Variants in KIRREL3 observed in about 807,000 individuals in gnomAD.
KIRREL3 encodes the protein kirre like nephrin family adhesion molecule 3, also known as kin of IRRE-like protein 3.
Under a neutral mutation model 89.7 loss-of-function variants are expected in KIRREL3, and 36 were observed. The observed-to-expected ratio is 0.40, with a 90% CI of 0.31 to 0.53. The LOEUF is 0.53. Among genes scored for constraint, KIRREL3 ranks in the 20% least tolerant of loss-of-function variants. KIRREL3 has a pLI of 0.49. For synonymous variants in KIRREL3, 445 were observed against 441.4 expected (o/e 1.01, Z -0.10); for missense variants, 864 against 1,056.6 (o/e 0.82, Z 2.53).
chr11:126,848,367 G>C (rs985981909), intron 1 of KIRREL3, among the ~76,000 whole-genome samples: 6 of 152,318 alleles, frequency 3.9e-5, no homozygotes, highest in African/African-American at 1.4e-4. Flanking sequence ...ATTGGAGAGA[G>C]AAAAATTATG....
intron 1 of KIRREL3, among the ~76,000 whole-genome samples, chr11:126,592,433 C>G (rs1942182098): frequency 6.6e-6 from 1 of 152,160 alleles, no homozygotes; most frequent in Non-Finnish European, 1.5e-5. Context: ...AGTTACATAG[C>G]TAAGAAAGTG....
In KIRREL3 at chr11:126,441,106, C is replaced by T. The variant is rs758214455; in HGVS notation, c.1253-557G>A. ...CCTCTCCTTAGGGCGGGAATCACCC[C>T]GGACAGGGGGAATGCATGCGCTGGC... On this transcript the variant is annotated intron_variant, in intron 10 of 16. Coordinates refer to ENST00000525144, the MANE Select transcript of KIRREL3 (RefSeq NM_032531.4). The surrounding 1 kb of genome is among the most constrained non-coding windows in gnomAD (Gnocchi z 5.0). 2.0e-5 allele frequency among the ~76,000 whole-genome samples: 3 copies of T among 152,238 alleles called. No individual in the cohort carries two copies. The highest frequency in any genetic ancestry group is 4.4e-5 in the Non-Finnish European group (3 of 68,044).
chr11:126,999,943 A>G lies in KIRREL3; in HGVS notation c.55+512T>C, dbSNP rs764791988. On this transcript the variant is annotated intron_variant, in intron 1 of 16. Coordinates refer to ENST00000525144, the MANE Select transcript of KIRREL3 (RefSeq NM_032531.4). This position sits in a 1 kb window ranked among gnomAD's most constrained non-coding sequence, Gnocchi z 5.7. ...CAACCACTGCAAATTACCCCCCACA[A>G]TACATTCTGTAATTGCAACCCCCTT... Among the ~76,000 whole-genome samples the G allele has an allele frequency of 1.3e-5, 2 of 152,054 alleles. No individual in the cohort carries two copies. Among genetic ancestry groups the G allele is most frequent in the African/African-American group, 2.4e-5 (1 of 41,386 alleles).
intron 1 of KIRREL3, among the ~76,000 whole-genome samples, chr11:126,810,072 T>A (rs1393431451): frequency 6.6e-6 from 1 of 152,028 alleles, no homozygotes; most frequent in African/African-American, 2.4e-5. Context: ...GCGTGTTGAG[T>A]CACTGACCAC....
At chr11:126,852,298 C>A (rs1944370189) in intron 1 of KIRREL3, among the ~76,000 whole-genome samples, 1 of 152,142 alleles carries the variant, frequency 6.6e-6, no homozygotes, top group Non-Finnish European at 1.5e-5. Context: ...ATGATCCACC[C>A]ACCTCAGCCT....
In KIRREL3 at chr11:126,732,553, C is replaced by T. The variant is rs377285620; in HGVS notation, c.56-169641G>A. The stretch of plus-strand genomic sequence containing the variant: ...CATAACAACAGCCAATCCAATATAC[C>T]TGCTTGTCTCGGGAAAGTGTAGTCA... On this transcript the variant is annotated intron_variant, in intron 1 of 16. Transcript: ENST00000525144. 1.2e-3 allele frequency among the ~76,000 whole-genome samples: 178 copies of T among 152,314 alleles called. 1 individual carries two copies. The highest frequency in any genetic ancestry group is 4.1e-3 in the African/African-American group (171 of 41,572).
intron 1 of KIRREL3, among the ~76,000 whole-genome samples, chr11:126,695,101 C>T (rs1203722842): frequency 6.6e-6 from 1 of 152,166 alleles, no homozygotes; most frequent in African/African-American, 2.4e-5. Flanking sequence ...CCTGCTACAG[C>T]GGCAGAGCAG....
chr11:126,979,114 C>T lies in KIRREL3; in HGVS notation c.55+21341G>A, dbSNP rs928000854. ...TCCGAATTCACCCGGAACAAAAGACCCGTCTATAACCATTATTTATCACTC... is the reference window on the plus strand; with the variant it reads ...TCCGAATTCACCCGGAACAAAAGACTCGTCTATAACCATTATTTATCACTC... On this transcript the variant is annotated intron_variant, in intron 1 of 16. Transcript: ENST00000525144. Among the ~76,000 whole-genome samples the T allele has an allele frequency of 5.3e-5, 8 of 152,164 alleles. 1 individual carries two copies. The highest frequency in any genetic ancestry group is 4.2e-4 in the South Asian group (2 of 4,812).
chr11:126,440,542 G>A lies in KIRREL3; in HGVS notation c.1260C>T (p.Pro420=). Residue 420 remains proline, a synonymous_variant, in exon 11 of 17, where the codon CCC becomes CCT. Coordinates refer to ENST00000525144, the MANE Select transcript of KIRREL3 (RefSeq NM_032531.4). ...GCTGGGTCTGGGTGCTGGAGATGAT[G>A]GGGGGTCCTGTTGAGAAACAGCGTC... ...REVTLTVNGP[P]IISSTQTQHA... is the part of the protein sequence containing the mutation. 3 of 1,596,648 alleles carry A rather than the reference G, an allele frequency of 1.9e-6. No individual in the cohort carries two copies. The highest frequency in any genetic ancestry group is 2.6e-6 in the Non-Finnish European group (3 of 1,171,960).
chr11:126,919,418 C>A (rs76928868), intron 1 of KIRREL3, among the ~76,000 whole-genome samples: 1 of 152,180 alleles, frequency 6.6e-6, no homozygotes, highest in Non-Finnish European at 1.5e-5. Flanking sequence ...GGCAAGTTTA[C>A]GGATCTGGAG....
At position 126,893,614 on chromosome 11, in the gene KIRREL3, G is replaced by A. The variant is rs1342608812; in HGVS notation, c.55+106841C>T. On this transcript the variant is annotated intron_variant, in intron 1 of 16. Transcript: ENST00000525144. Reference sequence around the variant, plus strand: ...AGCGCTGTGGAAGGCCCGGCTACCCGGGTTACCGTGAGCTGATCATTTGTT... The same window carrying A: ...AGCGCTGTGGAAGGCCCGGCTACCCAGGTTACCGTGAGCTGATCATTTGTT... 4.6e-5 allele frequency among the ~76,000 whole-genome samples: 7 copies of A among 152,170 alleles called. No homozygotes were observed. The East Asian group carries it at 9.6e-4, about 21-fold the overall frequency.
chr11:126,463,332 G>A lies in KIRREL3; in HGVS notation c.592-25C>T. 1 of 1,605,226 alleles carries A rather than the reference G, an allele frequency of 6.2e-7. No homozygotes were observed. The highest frequency in any genetic ancestry group is 8.5e-7 in the Non-Finnish European group (1 of 1,173,460). ...TCTTGGGAGAAAGGGAAAGGGGAGA[G>A]AAAGCTCCATGTCGCTTGGCTGGGG... On this transcript the variant is annotated intron_variant, in intron 5 of 16. Transcript: ENST00000525144. The surrounding 1 kb of genome is among the most constrained non-coding windows in gnomAD (Gnocchi z 5.9).
rs1340918069 is a variant in KIRREL3, at chr11:126,721,583, G to T, written c.56-158671C>A. 2.6e-5 allele frequency among the ~76,000 whole-genome samples: 4 copies of T among 151,268 alleles called. No individual in the cohort carries two copies. The East Asian group carries it at 5.8e-4, about 22-fold the overall frequency. ...GGAATAAATAAGATAACACATGCAA[G>T]ACATCTAACACAGTGCATGGCACAG... is the stretch of plus-strand genomic sequence containing the variant. On this transcript the variant is annotated intron_variant, in intron 1 of 16. Transcript: ENST00000525144.
chr11:126,572,271 G>A (rs1940990262), intron 1 of KIRREL3, among the ~76,000 whole-genome samples: 1 of 152,188 alleles, frequency 6.6e-6, no homozygotes, highest in South Asian at 2.1e-4. Context: ...TTCTCTTGAG[G>A]CCAAGATCTT....
intron 2 of KIRREL3, chr11:126,543,849 G>C (rs139976362): frequency 6.6e-6 from 1 of 152,226 alleles, no homozygotes; most frequent in Non-Finnish European, 1.5e-5. Flanking sequence ...CTCTCTGCTC[G>C]GCCTTGGGCT....
At chr11:126,725,930 T>C (rs1044178534) in intron 1 of KIRREL3, among the ~76,000 whole-genome samples, 2 of 152,250 alleles carry the variant, frequency 1.3e-5, no homozygotes, top group Non-Finnish European at 2.9e-5. Context: ...CCAGTTTCTC[T>C]GGTGATGTAA....
In KIRREL3 at chr11:126,696,796, T is replaced by C. The variant is rs1293347244; in HGVS notation, c.56-133884A>G. On this transcript the variant is annotated intron_variant, in intron 1 of 16. Coordinates refer to ENST00000525144, the MANE Select transcript of KIRREL3 (RefSeq NM_032531.4). This position sits in a 1 kb window ranked among gnomAD's most constrained non-coding sequence, Gnocchi z 4.4. ...CTTGTCCAAACACACTGCAGCTCCC[T>C]ACATACAAAGGGCAGGAGCTAGACT... 6.6e-6 allele frequency among the ~76,000 whole-genome samples: 1 copy of C among 152,124 alleles called. No individual in the cohort carries two copies. Among genetic ancestry groups the C allele is most frequent in the African/African-American group, 2.4e-5 (1 of 41,422 alleles).
chr11:126,774,827 C>T (rs1392488720), intron 1 of KIRREL3, among the ~76,000 whole-genome samples: 2 of 152,172 alleles, frequency 1.3e-5, no homozygotes, highest in African/African-American at 4.8e-5. Flanking sequence ...GGCAACCAAG[C>T]TGACAGCCTG....
At position 126,688,829 on chromosome 11, in the gene KIRREL3, A is replaced by G. The variant is rs192092906; in HGVS notation, c.56-125917T>C. Among the ~76,000 whole-genome samples the G allele has an allele frequency of 2.0e-5, 3 of 152,284 alleles. No individual in the cohort carries two copies. In the East Asian group the frequency reaches 5.8e-4, roughly 29 times the overall value. ...TTCTAAAAGACTGAGAGATGACATGATAGCTGTCACAAGAAATTTCTGCTT... is the reference window on the plus strand; with the variant it reads ...TTCTAAAAGACTGAGAGATGACATGGTAGCTGTCACAAGAAATTTCTGCTT... On this transcript the variant is annotated intron_variant, in intron 1 of 16. Coordinates refer to ENST00000525144, the MANE Select transcript of KIRREL3 (RefSeq NM_032531.4).
Sources: allele counts gnomAD v4.1 joint callset (sites outside exome capture counted in the v4.1 genomes callset), GRCh38; gene constraint gnomAD v4.1.1; non-coding constraint Gnocchi (gnomAD v3.1); transcripts MANE v1.5; gene names NCBI Gene and HGNC (gene_info 2026-07-23, HGNC 2026-07-21).